The following HIKESHI variants were observed in gnomAD, a reference collection of about 807,000 sequenced individuals.
The protein encoded by HIKESHI is heat shock protein nuclear import factor hikeshi, also known as protein Hikeshi.
In HIKESHI, 13 loss-of-function variants were observed where a neutral mutation model predicts 25.7. That is an observed-to-expected ratio of 0.51 (90% CI 0.33 to 0.80). The LOEUF (loss-of-function observed/expected upper bound fraction) is 0.80, where lower values mean the gene tolerates loss of function less well. Among genes scored for constraint, HIKESHI ranks in the 30% least tolerant of loss-of-function variants. The pLI is 0.02. For missense variants in HIKESHI, 174 were observed against 229.5 expected (o/e 0.76, Z 1.56); for synonymous variants, 76 against 78.7 (o/e 0.97, Z 0.18).
At chr11:86,344,859 T>TATATATGCCATTAAAGTA in intron 4 of HIKESHI, 138 bp downstream of exon 4, 1 of 613,690 alleles carries the variant, frequency 1.6e-6, no homozygotes, top group Non-Finnish European at 2.9e-6. Context: ...TTAAAGTATG[T>TATATATGCCATTAAAGTA]ACTATAGAGA....
intron 2 of HIKESHI, among the ~76,000 whole-genome samples, chr11:86,315,327 C>T (rs6592280): frequency 0.3 from 17,098 of 57,332 alleles, 1,462 homozygotes; most frequent in African/African-American, 0.47. Flanking sequence ...AAAATAACTT[C>T]CTTTTTTTTT....
intron 2 of HIKESHI, among the ~76,000 whole-genome samples, chr11:86,308,339 A>G (rs1036283382): frequency 1.0e-4 from 7 of 68,544 alleles, no homozygotes; most frequent in Non-Finnish European, 1.6e-4. Flanking sequence ...TATAAAATAT[A>G]TATTATATAA....
At chr11:86,342,649 T>C (rs370352393) in intron 3 of HIKESHI, among the ~76,000 whole-genome samples, 17 of 152,162 alleles carry the variant, frequency 1.1e-4, no homozygotes, top group African/African-American at 4.1e-4. Flanking sequence ...GTGTGCAGTA[T>C]GGTAAGGGAA....
At chr11:86,305,278 G>C (rs1309756877) in intron 1 of HIKESHI, among the ~76,000 whole-genome samples, 7 of 152,190 alleles carry the variant, frequency 4.6e-5, no homozygotes, top group Non-Finnish European at 8.8e-5. Flanking sequence ...GGGATTACAG[G>C]CATGAGCCAC....
At chr11:86,327,410 G>A (rs577439155) in intron 2 of HIKESHI, among the ~76,000 whole-genome samples, 219 of 152,202 alleles carry the variant, frequency 1.4e-3, no homozygotes, top group African/African-American at 5.0e-3. Context: ...CGCCTCCCGG[G>A]TTCACACCAT....
chr11:86,318,653 A>C lies in HIKESHI; in HGVS notation c.268+12171A>C, dbSNP rs181171460. Among the ~76,000 whole-genome samples, 958 of 152,278 alleles carry C rather than the reference A, an allele frequency of 6.3e-3. 12 individuals carry two copies. Among genetic ancestry groups the C allele is most frequent in the African/African-American group, 0.021 (880 of 41,558 alleles). Reference sequence around the variant, plus strand: ...ACAAAGTAAATTGAAGTTATTTAAAAAATTTTTATTACTAGAAAATTCAAG... The same window carrying C: ...ACAAAGTAAATTGAAGTTATTTAAACAATTTTTATTACTAGAAAATTCAAG... On this transcript the variant is annotated intron_variant, in intron 2 of 4. Transcript: ENST00000278483.
At chr11:86,314,218 G>T (rs1946911321) in intron 2 of HIKESHI, among the ~76,000 whole-genome samples, 1 of 152,154 alleles carries the variant, frequency 6.6e-6, no homozygotes, top group South Asian at 2.1e-4. Flanking sequence ...AATGATATCT[G>T]ATTTTATTTT....
rs2138270522 is a variant in HIKESHI, at chr11:86,302,344, C to T, written c.-105C>T. The T allele has an allele frequency of 7.0e-7, 1 of 1,430,968 alleles. No homozygotes were observed. Among genetic ancestry groups the T allele is most frequent in the Non-Finnish European group, 9.6e-7 (1 of 1,044,644 alleles). 88.6% of individuals were successfully genotyped at this position (1,430,968 alleles called of 1,614,324 possible). A position where few individuals can be genotyped will look rare whatever the true frequency, so the allele number is the denominator to read the frequency against. Reference sequence around the variant, plus strand: ...ACTATGTAGTGGAGGGGCAGACACCCTCCCGCAAATTCTGGAAGGTTCTTA... The same window carrying T: ...ACTATGTAGTGGAGGGGCAGACACCTTCCCGCAAATTCTGGAAGGTTCTTA... On this transcript the variant is annotated 5_prime_UTR_variant, in exon 1 of 5. Coordinates refer to ENST00000278483, the MANE Select transcript of HIKESHI (RefSeq NM_016401.4).
chr11:86,310,913 C>A (rs932268134), intron 2 of HIKESHI, among the ~76,000 whole-genome samples: 24 of 152,028 alleles, frequency 1.6e-4, no homozygotes, highest in Non-Finnish European at 1.2e-4. Context: ...GGATGAAGCC[C>A]ACTTGATCAT....
intron 4 of HIKESHI, 75 bp from the exon 5 acceptor site, chr11:86,345,509 A>G (rs1163382713): frequency 1.4e-5 from 11 of 811,860 alleles, no homozygotes; most frequent in Non-Finnish European, 2.0e-5. Flanking sequence ...TGTTTTGGAT[A>G]AGTCATTTGG....
intron 2 of HIKESHI, among the ~76,000 whole-genome samples, chr11:86,310,895 C>T (rs1006277552): frequency 6.6e-6 from 1 of 152,178 alleles, no homozygotes; most frequent in Non-Finnish European, 1.5e-5. Flanking sequence ...ACCAGCCTTG[C>T]ATCCCAGGGA....
intron 2 of HIKESHI, among the ~76,000 whole-genome samples, chr11:86,331,255 C>T (rs921749293): frequency 2.7e-4 from 41 of 152,190 alleles, no homozygotes; most frequent in African/African-American, 8.9e-4. Context: ...TTTGGGAGGC[C>T]GAGGCGGGCG....
chr11:86,345,306 C>T, intron 4 of HIKESHI: 1 of 336,130 alleles, frequency 3.0e-6, no homozygotes, highest in Non-Finnish European at 5.1e-6. Flanking sequence ...TTCCTTAGGT[C>T]CCTTCTAGGT....
intron 3 of HIKESHI, among the ~76,000 whole-genome samples, chr11:86,339,167 T>A (rs1188030524): frequency 1.3e-5 from 2 of 152,144 alleles, no homozygotes; most frequent in East Asian, 1.9e-4. Flanking sequence ...TGCCTCAGCC[T>A]CCCAAGTAGC....
chr11:86,336,284 C>T (rs369297110), intron 2 of HIKESHI, among the ~76,000 whole-genome samples: 21 of 152,208 alleles, frequency 1.4e-4, no homozygotes, highest in African/African-American at 3.9e-4. Context: ...TATGGAAAGG[C>T]GGGAGGGCTG....
intron 1 of HIKESHI, among the ~76,000 whole-genome samples, chr11:86,305,450 G>A (rs538275425): frequency 6.6e-6 from 1 of 151,962 alleles, no homozygotes; most frequent in South Asian, 2.1e-4. Context: ...GCAATGGCGC[G>A]ATCTCAGCTC....
intron 1 of HIKESHI, 75 bp from the exon 2 acceptor site, chr11:86,306,170 A>ACCC (rs1305537359): frequency 1.1e-6 from 1 of 937,750 alleles, no homozygotes; most frequent in Non-Finnish European, 1.7e-6. Flanking sequence ...TGGTAATATA[A>ACCC]CTTATAAATG....
At chr11:86,321,190 C>T (rs1185804375) in intron 2 of HIKESHI, among the ~76,000 whole-genome samples, 1 of 152,140 alleles carries the variant, frequency 6.6e-6, no homozygotes, top group East Asian at 1.9e-4. Context: ...GCCTTGGCCT[C>T]CCAAAGTACT....
intron 3 of HIKESHI, among the ~76,000 whole-genome samples, chr11:86,339,373 T>A (rs1401412337): frequency 2.0e-5 from 3 of 152,224 alleles, no homozygotes; most frequent in Non-Finnish European, 4.4e-5. Context: ...TAAGCACTCA[T>A]AGATACAAAT....
Sources: gnomAD v4.1 joint callset for allele counts (sites outside exome capture counted in the v4.1 genomes callset) on GRCh38, gnomAD v4.1.1 for gene constraint, MANE v1.5 for transcripts, NCBI Gene and HGNC (gene_info 2026-07-23, HGNC 2026-07-21) for gene names.